The following SOX6 variants were observed in gnomAD, a reference collection of about 807,000 sequenced individuals.
The protein encoded by SOX6 is SRY-box transcription factor 6.
Under a neutral mutation model 97.8 loss-of-function variants are expected in SOX6, and 11 were observed. The ratio of observed to expected loss-of-function variants is 0.11; its 90% CI spans 0.07 to 0.19. The LOEUF (loss-of-function observed/expected upper bound fraction) is 0.19, where lower values mean the gene tolerates loss of function less well. Among genes scored for constraint, SOX6 ranks in the 10% least tolerant of loss-of-function variants. The pLI, the probability that SOX6 is intolerant of heterozygous loss-of-function variation, is 1.00. For missense variants in SOX6, 810 were observed against 1,039.5 expected (o/e 0.78, Z 3.04); for synonymous variants, 360 against 371.4 (o/e 0.97, Z 0.35).
intron 1 of SOX6, among the ~76,000 whole-genome samples, chr11:16,386,110 G>C (rs1044254556): frequency 6.6e-6 from 1 of 151,986 alleles, no homozygotes; most frequent in African/African-American, 2.4e-5. Flanking sequence ...TGCTTGTATT[G>C]GTATGCATAT....
At chr11:16,219,299 G>A (rs998679591) in intron 4 of SOX6, among the ~76,000 whole-genome samples, 18 of 152,060 alleles carry the variant, frequency 1.2e-4, no homozygotes, top group African/African-American at 2.2e-4. Context: ...TTGGCTCAGC[G>A]TTTTTAAGGT....
rs577062780 is a variant in SOX6, at chr11:16,614,851, G to A, written n.430-2591C>T. On this transcript the variant is annotated intron_variant and non_coding_transcript_variant, in intron 3 of 5. Coordinates refer to the SOX6 transcript ENST00000524520. Reference sequence around the variant, plus strand: ...AGAATTCTATTTATTTCAAGAAAATGGGACACTAGGGAACTATTTTGTTTT... The same window carrying A: ...AGAATTCTATTTATTTCAAGAAAATAGGACACTAGGGAACTATTTTGTTTT... Among the ~76,000 whole-genome samples, 51 of 152,240 alleles carry A rather than the reference G, an allele frequency of 3.3e-4. No individual in the cohort carries two copies. The South Asian group carries it at 0.01, about 31-fold the overall frequency.
At chr11:16,559,383 T>C (rs1479625132) in intron 4 of SOX6, among the ~76,000 whole-genome samples, 1 of 151,700 alleles carries the variant, frequency 6.6e-6, no homozygotes, top group Non-Finnish European at 1.5e-5. Context: ...AGATACAGGC[T>C]AGTACAAAGT....
intron 1 of SOX6, among the ~76,000 whole-genome samples, chr11:16,401,312 G>A (rs1858552536): frequency 6.6e-6 from 1 of 151,262 alleles, no homozygotes; most frequent in Admixed American, 6.6e-5. Context: ...TGTTGCTGCT[G>A]TTTGTTGTTT....
chr11:16,505,054 A>T (rs1860764040), intron 4 of SOX6, among the ~76,000 whole-genome samples: 1 of 152,240 alleles, frequency 6.6e-6, no homozygotes. Context: ...TTCTATAAAG[A>T]TACTTGAAAA....
chr11:16,171,369 T>C (rs1227277930), intron 6 of SOX6, among the ~76,000 whole-genome samples: 1 of 152,048 alleles, frequency 6.6e-6, no homozygotes, highest in Non-Finnish European at 1.5e-5. Flanking sequence ...TCTCCACAAT[T>C]GGTTTCATTC....
chr11:16,060,859 C>A (rs1232873505), intron 9 of SOX6, among the ~76,000 whole-genome samples: 1 of 151,808 alleles, frequency 6.6e-6, no homozygotes, highest in East Asian at 1.9e-4. Flanking sequence ...GCACATGTAT[C>A]TTATCTTGCT....
At chr11:16,043,784 T>C (rs1855747001) in intron 12 of SOX6, among the ~76,000 whole-genome samples, 1 of 152,188 alleles carries the variant, frequency 6.6e-6, no homozygotes, top group African/African-American at 2.4e-5. Context: ...CTGGAAATGC[T>C]GTTGGTAGCT....
rs755710168 is a variant in SOX6, at chr11:15,971,646, G to A, written c.*1163C>T. The A allele has an allele frequency of 6.6e-6, 1 of 152,514 alleles. No homozygotes were observed. The highest frequency in any genetic ancestry group is 1.5e-5 in the Non-Finnish European group (1 of 68,046). The allele number at this position is 152,514 out of a possible 1,614,324, so 9.4% of individuals were successfully genotyped here. ...GCCCTGCAGCCAGATACATACTCATGATTAAAAACAATAATAGGTTTTTAA... is the reference window on the plus strand; with the variant it reads ...GCCCTGCAGCCAGATACATACTCATAATTAAAAACAATAATAGGTTTTTAA... On this transcript the variant is annotated 3_prime_UTR_variant, in exon 16 of 16. Coordinates refer to ENST00000683767, the MANE Select transcript of SOX6 (RefSeq NM_001367873.1).
At chr11:16,243,476 T>C (rs956078245) in intron 3 of SOX6, among the ~76,000 whole-genome samples, 1 of 151,898 alleles carries the variant, frequency 6.6e-6, no homozygotes, top group African/African-American at 2.4e-5. Flanking sequence ...ATCAAGACTA[T>C]TGTGTGTCAA....
At chr11:16,338,046 A>G (rs1047901118) in intron 2 of SOX6, among the ~76,000 whole-genome samples, 7 of 152,094 alleles carry the variant, frequency 4.6e-5, no homozygotes, top group African/African-American at 1.4e-4. Flanking sequence ...TACCCAAGAG[A>G]TAAGAAACTT....
At chr11:16,465,802 A>G (rs1860019096) in intron 1 of SOX6, 1 of 152,228 alleles carries the variant, frequency 6.6e-6, no homozygotes, top group African/African-American at 2.4e-5. Flanking sequence ...TTAAGTTTAT[A>G]TCAAACTGTG....
upstream of SOX6, among the ~76,000 whole-genome samples, chr11:16,481,303 C>T (rs1860341225): frequency 6.6e-6 from 1 of 151,994 alleles, no homozygotes; most frequent in African/African-American, 2.4e-5. Flanking sequence ...TGACATTAAG[C>T]TAATGTCCAG....
upstream of SOX6, among the ~76,000 whole-genome samples, chr11:16,477,870 C>T (rs935610328): frequency 2.6e-5 from 4 of 152,210 alleles, no homozygotes; most frequent in Non-Finnish European, 4.4e-5. Context: ...CTAACGCCTA[C>T]TTCCACAGTG....
intron 11 of SOX6, 121 bp downstream of exon 11, chr11:16,049,634 G>C: frequency 1.7e-6 from 2 of 1,154,252 alleles, no homozygotes; most frequent in Non-Finnish European, 2.5e-6. Flanking sequence ...CAGTAGAAAA[G>C]ATAAGAGTAT....
chr11:16,390,033 T>C (rs982750447), intron 1 of SOX6, among the ~76,000 whole-genome samples: 1 of 149,002 alleles, frequency 6.7e-6, no homozygotes. Context: ...GCATATTTTG[T>C]CTTACCTGCA....
At chr11:15,982,502 T>A (rs761059736) in intron 15 of SOX6, among the ~76,000 whole-genome samples, 1 of 152,008 alleles carries the variant, frequency 6.6e-6, no homozygotes, top group Non-Finnish European at 1.5e-5. Context: ...CCCCCACAGA[T>A]AACAAAATCT....
intron 1 of SOX6, among the ~76,000 whole-genome samples, chr11:16,381,093 C>A (rs73431673): frequency 0.058 from 8,821 of 151,908 alleles, 795 homozygotes; most frequent in African/African-American, 0.19. Context: ...CTAACATAAA[C>A]CCTACAATAC....
intron 4 of SOX6, among the ~76,000 whole-genome samples, chr11:16,543,450 A>G (rs1861438136): frequency 6.6e-6 from 1 of 152,102 alleles, no homozygotes; most frequent in Admixed American, 6.6e-5. Flanking sequence ...TCAGTATTGA[A>G]GTCCCCAGTG....
Sources: allele counts gnomAD v4.1 joint callset (sites outside exome capture counted in the v4.1 genomes callset), GRCh38; gene constraint gnomAD v4.1.1; transcripts MANE v1.5; gene names NCBI Gene and HGNC (gene_info 2026-07-23, HGNC 2026-07-21).